SH3BGRL2: variants seen among roughly 807,000 people sequenced by gnomAD.
The protein encoded by SH3BGRL2 is SH3 domain binding glutamate rich protein like 2.
SH3BGRL2 carries 21 observed loss-of-function variants against 14.8 expected under a neutral mutation model. The ratio of observed to expected loss-of-function variants is 1.42; its 90% CI spans 1.01 to 2.05. The LOEUF (loss-of-function observed/expected upper bound fraction) is 2.05, where lower values mean the gene tolerates loss of function less well. Among genes scored for constraint, SH3BGRL2 ranks in the 30% most tolerant of loss-of-function variants. The probability of loss-of-function intolerance (pLI) is 0.00; values close to 1 mark genes in which losing one functional copy is unlikely to be tolerated. For missense variants in SH3BGRL2, 147 were observed against 130.8 expected (o/e 1.12, Z -0.61); for synonymous variants, 50 against 47.8 (o/e 1.05, Z -0.19).
chr6:79,624,474 T>G, the SH3BGRL2 span, among the ~76,000 whole-genome samples: 3,228 of 152,046 alleles, frequency 0.021, 118 homozygotes, highest in African/African-American at 0.073. Context: ...CTTTAAGCAC[T>G]AAGCATACTT....
In SH3BGRL2 at chr6:79,701,595, C is replaced by T. The variant is rs866319474; in HGVS notation, c.*2086C>T. ...ACCATCACAGTTATGTGCCATCTCCCCACCCCATTTTTTTTTTTTTTTTTT... is the reference window on the plus strand; with the variant it reads ...ACCATCACAGTTATGTGCCATCTCCTCACCCCATTTTTTTTTTTTTTTTTT... On this transcript the variant is annotated 3_prime_UTR_variant, in exon 4 of 4. Transcript: ENST00000369838. The T allele has an allele frequency of 2.0e-4, 26 of 131,582 alleles. No homozygotes were observed. The highest frequency in any genetic ancestry group is 4.3e-3 in the Middle Eastern group (1 of 232). 8.2% of individuals were successfully genotyped at this position (131,582 alleles called of 1,614,324 possible). A position where few individuals can be genotyped will look rare whatever the true frequency, so the allele number is the denominator to read the frequency against.
chr6:79,645,343 C>T (rs1016779582), intron 1 of SH3BGRL2, among the ~76,000 whole-genome samples: 1 of 152,116 alleles, frequency 6.6e-6, no homozygotes, highest in Non-Finnish European at 1.5e-5. Context: ...CTGGGAGTTA[C>T]CTTTCTTAGA....
intron 2 of SH3BGRL2, among the ~76,000 whole-genome samples, chr6:79,695,626 A>G (rs1770315695): frequency 6.6e-6 from 1 of 152,204 alleles, no homozygotes; most frequent in South Asian, 2.1e-4. Flanking sequence ...TCAAACTTGA[A>G]CAACATATTT....
At chr6:79,538,054 T>TTTA in the SH3BGRL2 span, among the ~76,000 whole-genome samples, 2 of 129,610 alleles carry the variant, frequency 1.5e-5, 1 homozygote, top group African/African-American at 5.7e-5. Flanking sequence ...TTTTTTTTTT[T>TTTA]AAGGAACGTT....
chr6:79,578,336 A>G, the SH3BGRL2 span, among the ~76,000 whole-genome samples: 1 of 152,154 alleles, frequency 6.6e-6, no homozygotes, highest in Admixed American at 6.5e-5. Flanking sequence ...TGGGTCCCTG[A>G]CCACCGTGTA....
chr6:79,577,719 G>T, the SH3BGRL2 span, among the ~76,000 whole-genome samples: 12 of 152,204 alleles, frequency 7.9e-5, no homozygotes, highest in Non-Finnish European at 5.9e-5. Context: ...CAGAAGACAG[G>T]TGATTTCTGC....
the SH3BGRL2 span, among the ~76,000 whole-genome samples, chr6:79,602,704 C>T: frequency 6.6e-6 from 1 of 152,264 alleles, no homozygotes; most frequent in Non-Finnish European, 1.5e-5. Context: ...GACCTTGTCT[C>T]AACTCAAACG....
At chr6:79,585,590 G>A in the SH3BGRL2 span, among the ~76,000 whole-genome samples, 2 of 152,116 alleles carry the variant, frequency 1.3e-5, no homozygotes, top group Non-Finnish European at 2.9e-5. Flanking sequence ...ACTCTCTAGT[G>A]TGCCAGATCT....
intron 1 of SH3BGRL2, among the ~76,000 whole-genome samples, chr6:79,670,602 A>G (rs1245574323): frequency 2.0e-5 from 3 of 152,228 alleles, no homozygotes; most frequent in Admixed American, 1.3e-4. Context: ...TTAAATAGCA[A>G]TTAAGAATTG....
At chr6:79,591,496 C>T in the SH3BGRL2 span, among the ~76,000 whole-genome samples, 2 of 152,186 alleles carry the variant, frequency 1.3e-5, no homozygotes, top group African/African-American at 4.8e-5. Context: ...CAACCTCCGC[C>T]TCCTGGGTGC....
chr6:79,660,727 T>C (rs1184344764), intron 1 of SH3BGRL2, among the ~76,000 whole-genome samples: 1 of 152,200 alleles, frequency 6.6e-6, no homozygotes, highest in African/African-American at 2.4e-5. Context: ...CCAGCTCCTC[T>C]TTGTACCTCT....
chr6:79,693,333 A>T (rs2127738997), intron 2 of SH3BGRL2, among the ~76,000 whole-genome samples: 1 of 151,520 alleles, frequency 6.6e-6, no homozygotes, highest in East Asian at 1.9e-4. Context: ...TCTTTTCCTA[A>T]TTGAATACCC....
intron 1 of SH3BGRL2, among the ~76,000 whole-genome samples, chr6:79,645,350 T>A (rs1769119796): frequency 6.6e-6 from 1 of 152,018 alleles, no homozygotes; most frequent in African/African-American, 2.4e-5. Context: ...TTACCTTTCT[T>A]AGACACAAAC....
the SH3BGRL2 span, among the ~76,000 whole-genome samples, chr6:79,546,699 C>CT: frequency 2.1e-3 from 306 of 143,738 alleles, no homozygotes; most frequent in Middle Eastern, 3.6e-3. Flanking sequence ...AGTAGCAACT[C>CT]TTTTTTTTTT....
intron 1 of SH3BGRL2, among the ~76,000 whole-genome samples, chr6:79,653,211 A>T (rs1769340390): frequency 6.6e-6 from 1 of 152,208 alleles, no homozygotes. Flanking sequence ...AGCAAAAAAG[A>T]CAACGAGTTA....
the SH3BGRL2 span, among the ~76,000 whole-genome samples, chr6:79,601,896 C>T: frequency 6.6e-6 from 1 of 151,842 alleles, no homozygotes; most frequent in Non-Finnish European, 1.5e-5. Flanking sequence ...AAATATGCAA[C>T]TACAATAGTA....
chr6:79,683,821 T>C (rs1770041452), intron 2 of SH3BGRL2, among the ~76,000 whole-genome samples: 1 of 152,202 alleles, frequency 6.6e-6, no homozygotes, highest in South Asian at 2.1e-4. Flanking sequence ...CATTTCCCTC[T>C]GCCTCTTGGA....
At chr6:79,682,959 C>T (rs527407438) in intron 2 of SH3BGRL2, among the ~76,000 whole-genome samples, 21 of 152,228 alleles carry the variant, frequency 1.4e-4, no homozygotes, top group South Asian at 1.0e-3. Flanking sequence ...GACAGAAAAC[C>T]GAACACTGCA....
chr6:79,662,557 TTCTC>T (rs1769574349), intron 1 of SH3BGRL2, among the ~76,000 whole-genome samples: 2 of 152,298 alleles, frequency 1.3e-5, no homozygotes, highest in South Asian at 4.1e-4. Flanking sequence ...AACCCGACCT[TTCTC>T]TCTGGCCGCC....
Sources: gnomAD v4.1 joint callset for allele counts (sites outside exome capture counted in the v4.1 genomes callset) on GRCh38, gnomAD v4.1.1 for gene constraint, MANE v1.5 for transcripts, NCBI Gene and HGNC (gene_info 2026-07-23, HGNC 2026-07-21) for gene names.